TADA3: variants seen among roughly 807,000 people sequenced by gnomAD.
TADA3 encodes transcriptional adapter 3.
In TADA3, 25 loss-of-function variants were observed where a neutral mutation model predicts 43.2. The observed-to-expected ratio is 0.58, with a 90% CI of 0.42 to 0.81. The LOEUF is 0.81. Among genes scored for constraint, TADA3 ranks in the 30% least tolerant of loss-of-function variants. The pLI, the probability that TADA3 is intolerant of heterozygous loss-of-function variation, is 0.00. For missense variants in TADA3, 441 were observed against 567.8 expected, an observed-to-expected ratio of 0.78 and a Z score of 2.27; for synonymous variants, 235 against 225.5, an observed-to-expected ratio of 1.04 and a Z score of -0.38.
chr3:9,790,576 C>G (rs1417997293), intron 2 of TADA3, among the ~76,000 whole-genome samples: 1 of 152,204 alleles, frequency 6.6e-6, no homozygotes, highest in Non-Finnish European at 1.5e-5. Flanking sequence ...CTCTATTTTG[C>G]AGAATACAGC....
chr3:9,787,080 C>A lies in TADA3; in HGVS notation c.736G>T (p.Ala246Ser), dbSNP rs1297877619. 2 of 1,614,086 alleles carry A rather than the reference C, an allele frequency of 1.2e-6. No homozygotes were observed. Among genetic ancestry groups the A allele is most frequent in the South Asian group, 2.2e-5 (2 of 91,094 alleles). ...DVDALLKKSE[A>S]QHEQPEDGCP... ...CCATCTTCCGGCTGTTCATGCTGGG[C>A]CTCAGACTTCTTCAGCAGGGCATCC... The change falls in exon 6 of 9, where the codon GCC becomes TCC. Residue 246 changes from alanine to serine, a missense_variant. Ala to Ser is a moderately conservative substitution (Grantham distance 99, BLOSUM62 1). Coordinates refer to ENST00000301964, the MANE Select transcript of TADA3 (RefSeq NM_006354.5).
intron 8 of TADA3, among the ~76,000 whole-genome samples, chr3:9,782,386 A>T (rs2078496639): frequency 6.6e-6 from 1 of 152,224 alleles, no homozygotes; most frequent in Non-Finnish European, 1.5e-5. Flanking sequence ...GTAAACAACG[A>T]AAATAGCTCC....
Position 9,780,189 on chromosome 3 carries a change from G to T in TADA3, c.*168C>A. 1 of 638,310 alleles carries T rather than the reference G, an allele frequency of 1.6e-6. No individual in the cohort carries two copies. Among genetic ancestry groups the T allele is most frequent in the South Asian group, 2.3e-5 (1 of 43,024 alleles). 39.5% of individuals were successfully genotyped at this position (638,310 alleles called of 1,614,324 possible). ...GCCCAGCAGGGCTTCCTGTGTCCTG[G>T]TTGTACAGAGCTAGGCCAAAAGACC... On this transcript the variant is annotated 3_prime_UTR_variant, in exon 9 of 9. Coordinates refer to ENST00000301964, the MANE Select transcript of TADA3 (RefSeq NM_006354.5).
intron 4 of TADA3, chr3:9,788,302 GT>G (rs914263211): frequency 6.6e-6 from 1 of 152,260 alleles, no homozygotes; most frequent in African/African-American, 2.4e-5. Context: ...CTGGAGTGCA[GT>G]GGCACAATCT....
At chr3:9,792,884 T>C, upstream of TADA3, 1 of 1,386,088 alleles carries the variant, frequency 7.2e-7, no homozygotes, top group Non-Finnish European at 9.3e-7. Context: ...CTGCACCCAT[T>C]CCTGGAGGAG....
At chr3:9,785,025 GATTA>G (rs1228400511) in intron 7 of TADA3, among the ~76,000 whole-genome samples, 2 of 152,038 alleles carry the variant, frequency 1.3e-5, no homozygotes, top group Non-Finnish European at 2.9e-5. Context: ...GCAGCTATAT[GATTA>G]ATAGCCCCAA....
chr3:9,790,016 C>A, intron 2 of TADA3, 53 bp from the exon 3 acceptor site: 1 of 1,525,498 alleles, frequency 6.6e-7, no homozygotes, highest in Non-Finnish European at 8.8e-7. Context: ...CACAGAATAT[C>A]TCTTTCCTCT....
intron 4 of TADA3, chr3:9,787,701 CT>C: frequency 7.6e-7 from 1 of 1,321,746 alleles, no homozygotes; most frequent in Non-Finnish European, 9.9e-7. Context: ...CTTGAATTTA[CT>C]GCTGTCTGTA....
intron 8 of TADA3, among the ~76,000 whole-genome samples, chr3:9,782,424 TGA>T (rs1246785049): frequency 6.6e-6 from 1 of 152,200 alleles, no homozygotes; most frequent in Non-Finnish European, 1.5e-5. Flanking sequence ...TCAAGACACT[TGA>T]GAGAGTGTAC....
chr3:9,791,144 C>A lies in TADA3; in HGVS notation c.207+116G>T, dbSNP rs2078721300. Reference sequence around the variant, plus strand: ...ATGCAAACCCAGTTTGCGTCTCTCTCCCTCTCCCCACAAACCCCTGTACCC... The same window carrying A: ...ATGCAAACCCAGTTTGCGTCTCTCTACCTCTCCCCACAAACCCCTGTACCC... On this transcript the variant is annotated intron_variant, in intron 2 of 8. Transcript: ENST00000301964. The A allele has an allele frequency of 3.9e-6, 4 of 1,015,884 alleles. No individual in the cohort carries two copies. The South Asian group carries it at 6.6e-5, about 17-fold the overall frequency. The allele number at this position is 1,015,884 out of a possible 1,614,324, so 62.9% of individuals were successfully genotyped here.
chr3:9,781,733 T>A, intron 8 of TADA3: 2 of 397,444 alleles, frequency 5.0e-6, no homozygotes, highest in South Asian at 3.5e-5. Flanking sequence ...GATGCTCAGG[T>A]CAGGGGCTGC....
At chr3:9,787,466 G>T in intron 4 of TADA3, 126 bp from the exon 5 acceptor site, 1 of 1,345,598 alleles carries the variant, frequency 7.4e-7, no homozygotes, top group Non-Finnish European at 1.0e-6. Context: ...CCAGTGTCAG[G>T]TGTAGGTAAG....
chr3:9,792,777 C>A, upstream of TADA3: 1 of 1,259,944 alleles, frequency 7.9e-7, no homozygotes, highest in Non-Finnish European at 1.0e-6. Context: ...TTCGGCTTGT[C>A]CTAATTTGGT....
chr3:9,787,475 A>G, intron 4 of TADA3, 135 bp from the exon 5 acceptor site: 1 of 1,294,064 alleles, frequency 7.7e-7, no homozygotes, highest in Non-Finnish European at 1.0e-6. Flanking sequence ...GGTGTAGGTA[A>G]GAAAGTACAA....
At chr3:9,782,355 GGGCCTTTATTT>G (rs1367044898) in intron 8 of TADA3, among the ~76,000 whole-genome samples, 1 of 152,172 alleles carries the variant, frequency 6.6e-6, no homozygotes, top group African/African-American at 2.4e-5. Context: ...TCGCTTCACT[GGGCCTTTATTT>G]CCTCATCTGG....
chr3:9,782,740 G>A (rs1283999636), intron 8 of TADA3, among the ~76,000 whole-genome samples: 3 of 147,100 alleles, frequency 2.0e-5, no homozygotes, highest in Middle Eastern at 3.6e-3. Flanking sequence ...GCAGTGAGCC[G>A]AGATCATGGC....
chr3:9,784,220 C>A lies in TADA3; in HGVS notation c.921-7G>T. 1 of 1,599,740 alleles carries A rather than the reference C, an allele frequency of 6.3e-7. No homozygotes were observed. The highest frequency in any genetic ancestry group is 2.2e-5 in the East Asian group (1 of 44,470). ...GGACTTAGTATGCGGCACACTGCAG[C>A]GGGAGGCAGGCCCGTCAGACTCAAG... On this transcript the variant is annotated splice_polypyrimidine_tract_variant and splice_region_variant and intron_variant, in intron 7 of 8. Transcript: ENST00000301964.
chr3:9,789,364 G>C, intron 4 of TADA3, 145 bp downstream of exon 4: 1 of 692,818 alleles, frequency 1.4e-6, no homozygotes, highest in South Asian at 2.0e-5. Flanking sequence ...TTTGGGCCTA[G>C]GTGTCTGGAG....
At chr3:9,782,806 A>G (rs1045499212) in intron 8 of TADA3, among the ~76,000 whole-genome samples, 1 of 150,634 alleles carries the variant, frequency 6.6e-6, no homozygotes, top group South Asian at 2.1e-4. Context: ...AAAAAAAAAA[A>G]GGCCAAATGA....
Sources: gnomAD v4.1 joint callset for allele counts (sites outside exome capture counted in the v4.1 genomes callset) on GRCh38, gnomAD v4.1.1 for gene constraint, MANE v1.5 for transcripts, NCBI Gene and HGNC (gene_info 2026-07-23, HGNC 2026-07-21) for gene names.